ABLIM1: variants seen among roughly 807,000 people sequenced by gnomAD.
ABLIM1 encodes actin binding LIM protein 1, also known as actin-binding LIM protein 1.
In ABLIM1, 40 loss-of-function variants were observed where a neutral mutation model predicts 107.0. That is an observed-to-expected ratio of 0.37 (90% CI 0.29 to 0.49). ABLIM1 has a LOEUF of 0.49. ABLIM1 is among the 20% of genes least tolerant of loss of function. The pLI is 0.97. For missense variants in ABLIM1, 857 were observed against 1,008.5 expected (o/e 0.85, Z 2.04); for synonymous variants, 357 against 357.3 (o/e 1.00, Z 0.01).
In ABLIM1 at chr10:114,645,077, A is replaced by G. The variant is rs185714704; in HGVS notation, c.244+12880T>C. ...GATCCTCCATTAGAATGGAGAGGGA[A>G]TGTTTACCAAAATAATATCTCAGTT... is the stretch of plus-strand genomic sequence containing the variant. On this transcript the variant is annotated intron_variant, in intron 1 of 22. Transcript: ENST00000533213. Among the ~76,000 whole-genome samples the G allele has an allele frequency of 2.0e-3, 309 of 152,286 alleles. 3 individuals are homozygous for G. Among genetic ancestry groups the G allele is most frequent in the African/African-American group, 6.9e-3 (287 of 41,574 alleles).
intron 12 of ABLIM1, among the ~76,000 whole-genome samples, chr10:114,464,184 AT>A (rs1222001152): frequency 0.01 from 1,334 of 131,326 alleles, 11 homozygotes; most frequent in African/African-American, 0.021. Context: ...AGCATAAAGG[AT>A]TTTTTTTTTT....
At chr10:114,631,572 G>C (rs1434999585) in intron 1 of ABLIM1, among the ~76,000 whole-genome samples, 2 of 152,072 alleles carry the variant, frequency 1.3e-5, no homozygotes, top group African/African-American at 4.8e-5. Context: ...GGTGGTAAGA[G>C]AGGAAGAGAA....
intron 12 of ABLIM1, chr10:114,465,438 TA>T (rs1292929587): frequency 6.8e-6 from 2 of 295,614 alleles, no homozygotes; most frequent in Admixed American, 5.2e-5. Context: ...AAAAAATTTT[TA>T]AAAAAACCCC....
At chr10:114,681,527 C>T (rs1242164095) in intron 1 of ABLIM1, among the ~76,000 whole-genome samples, 2 of 152,208 alleles carry the variant, frequency 1.3e-5, no homozygotes, top group African/African-American at 4.8e-5. Flanking sequence ...CAGGGATGTG[C>T]TTCCCACAAA....
At chr10:114,518,876 C>A (rs1377690593) in intron 6 of ABLIM1, among the ~76,000 whole-genome samples, 1 of 151,350 alleles carries the variant, frequency 6.6e-6, no homozygotes, top group Non-Finnish European at 1.5e-5. Context: ...GATGCCTGGA[C>A]AATCATCAAC....
At chr10:114,599,294 A>G (rs2075757408) in intron 2 of ABLIM1, among the ~76,000 whole-genome samples, 1 of 152,250 alleles carries the variant, frequency 6.6e-6, no homozygotes, top group Non-Finnish European at 1.5e-5. Context: ...AACAAGATAT[A>G]TGATACAACT....
At position 114,515,253 on chromosome 10, in the gene ABLIM1, G is replaced by A. The variant is rs375970372; in HGVS notation, c.895-23375C>T. Among the ~76,000 whole-genome samples the A allele has an allele frequency of 8.2e-4, 125 of 152,272 alleles. 3 individuals are homozygous for A. The South Asian group carries it at 0.022, about 27-fold the overall frequency. ...CAAGGCTACCCTGCTTTTGGTGTGC[G>A]GCAGTGGGATCTTTCCCCAAATCCA... On this transcript the variant is annotated intron_variant, in intron 6 of 22. Transcript: ENST00000533213.
intron 1 of ABLIM1, chr10:114,632,133 T>TCCGC (rs1459526670): frequency 2.0e-6 from 2 of 985,140 alleles, no homozygotes; most frequent in Non-Finnish European, 2.4e-6. Context: ...CGCGCTCTTC[T>TCCGC]CCGCCCGCCC....
At chr10:114,544,831 A>G (rs1460517561) in intron 6 of ABLIM1, among the ~76,000 whole-genome samples, 174 bp downstream of exon 6, 1 of 151,784 alleles carries the variant, frequency 6.6e-6, no homozygotes, top group African/African-American at 2.4e-5. Flanking sequence ...TTTCCACGTG[A>G]GCCTTTGAGG....
intron 8 of ABLIM1, among the ~76,000 whole-genome samples, chr10:114,475,776 C>A (rs2056275533): frequency 6.6e-6 from 1 of 152,158 alleles, no homozygotes; most frequent in Non-Finnish European, 1.5e-5. Flanking sequence ...AACTTATGAA[C>A]TAGGATCAGC....
intron 1 of ABLIM1, chr10:114,632,068 G>A: frequency 1.0e-6 from 1 of 985,262 alleles, no homozygotes; most frequent in Non-Finnish European, 1.2e-6. Flanking sequence ...CTGTGGTCTC[G>A]AGTCCCGCCC....
At chr10:114,638,822 G>A (rs1285954077) in intron 1 of ABLIM1, among the ~76,000 whole-genome samples, 1 of 152,112 alleles carries the variant, frequency 6.6e-6, no homozygotes, top group East Asian at 1.9e-4. Flanking sequence ...GACTTCATAT[G>A]GAAGGACCTG....
rs1258586945 is a variant in ABLIM1 at position 114,434,474 on chromosome 10, C to A, written c.*1786G>T. On this transcript the variant is annotated 3_prime_UTR_variant, in exon 23 of 23. Transcript: ENST00000533213. ...GCGGTGAGCCACGTGTCAGAGGCTG[C>A]AACACAGACTCAGAAACTATTCTAC... The A allele has an allele frequency of 6.6e-6, 1 of 152,200 alleles. No individual in the cohort carries two copies. Among genetic ancestry groups the A allele is most frequent in the South Asian group, 2.1e-4 (1 of 4,834 alleles). 9.4% of individuals were successfully genotyped at this position (152,200 alleles called of 1,614,324 possible).
the ABLIM1 span, among the ~76,000 whole-genome samples, chr10:114,787,441 C>T: frequency 1.4e-5 from 2 of 145,526 alleles, no homozygotes; most frequent in Non-Finnish European, 3.0e-5. Context: ...CCGCCCCATC[C>T]GGGAGGTGAG....
In ABLIM1 at chr10:114,491,010, G is replaced by GTGTGTGTATATA. The variant is rs1555092147; in HGVS notation, c.982+780_982+781insTATATACACACA. Reference sequence around the variant, plus strand: ...TGTGTGTGTGTGTGTGTGTGTGTGTGTGTATATATATATATGGTCTATTTT... The same window carrying GTGTGTGTATATA: ...TGTGTGTGTGTGTGTGTGTGTGTGTGTGTGTGTATATATGTATATATATATATGGTCTATTTT... On this transcript the variant is annotated intron_variant, in intron 7 of 22. Coordinates refer to ENST00000533213, the MANE Select transcript of ABLIM1 (RefSeq NM_002313.7). Among the ~76,000 whole-genome samples, 18 of 89,186 alleles carry GTGTGTGTATATA rather than the reference G, an allele frequency of 2.0e-4. 1 individual carries two copies. In the East Asian group the frequency reaches 4.5e-3, roughly 22 times the overall value. 58.5% of individuals were successfully genotyped at this position (89,186 alleles called of 152,430 possible). A position where few individuals can be genotyped will look rare whatever the true frequency, so the allele number is the denominator to read the frequency against.
intron 4 of ABLIM1, among the ~76,000 whole-genome samples, chr10:114,558,948 T>C (rs1274606081): frequency 1.3e-5 from 2 of 151,864 alleles, no homozygotes; most frequent in African/African-American, 2.4e-5. Context: ...TACATGTATG[T>C]TTTCAGAACT....
intron 1 of ABLIM1, among the ~76,000 whole-genome samples, chr10:114,611,290 A>G (rs1285486246): frequency 6.6e-6 from 1 of 152,144 alleles, no homozygotes; most frequent in Non-Finnish European, 1.5e-5. Context: ...AACATGGCAA[A>G]ACCCCTTCTC....
intron 1 of ABLIM1, among the ~76,000 whole-genome samples, chr10:114,679,635 C>CAA (rs757677426): frequency 0.15 from 13,000 of 85,994 alleles, 1,085 homozygotes; most frequent in East Asian, 0.5. Flanking sequence ...AACTCCGTCT[C>CAA]AAAAAAAAAA....
chr10:114,712,982 C>A (rs1170476248), intron 1 of ABLIM1, among the ~76,000 whole-genome samples: 1 of 152,038 alleles, frequency 6.6e-6, no homozygotes, highest in Non-Finnish European at 1.5e-5. Flanking sequence ...CCCAGGAGTT[C>A]AAAGTTGCAG....
Sources: gnomAD v4.1 joint callset for allele counts (sites outside exome capture counted in the v4.1 genomes callset) on GRCh38, gnomAD v4.1.1 for gene constraint, MANE v1.5 for transcripts, NCBI Gene and HGNC (gene_info 2026-07-23, HGNC 2026-07-21) for gene names.